The following PRR16 variants were observed in gnomAD, a reference collection of about 807,000 sequenced individuals.
The protein encoded by PRR16 is proline rich 16.
Under a neutral mutation model 18.2 loss-of-function variants are expected in PRR16, and 6 were observed. That is an observed-to-expected ratio of 0.33 (90% CI 0.18 to 0.65). PRR16 has a LOEUF of 0.65. Ranked by LOEUF, PRR16 falls within the 30% of genes least tolerant of loss-of-function variation. The pLI is 0.74. For missense variants in PRR16, 412 were observed against 376.6 expected (o/e 1.09, Z -0.78); for synonymous variants, 151 against 147.8 (o/e 1.02, Z -0.16).
At chr5:120,790,985 A>G in the PRR16 span, among the ~76,000 whole-genome samples, 1 of 152,208 alleles carries the variant, frequency 6.6e-6, no homozygotes, top group Admixed American at 6.5e-5. Flanking sequence ...AATGACCATC[A>G]TTTGATATCA....
intron 1 of PRR16, among the ~76,000 whole-genome samples, chr5:120,556,234 T>G (rs1255602006): frequency 3.2e-5 from 1 of 31,330 alleles, no homozygotes; most frequent in Non-Finnish European, 7.6e-5. Context: ...AATTTCATTG[T>G]TTTTTTTTTT....
intron 1 of PRR16, among the ~76,000 whole-genome samples, chr5:120,559,492 T>A (rs1752512557): frequency 6.6e-6 from 1 of 151,940 alleles, no homozygotes; most frequent in Non-Finnish European, 1.5e-5. Context: ...TTCTGGGGTC[T>A]CTATTCTGTT....
At chr5:120,585,653 C>T (rs987692588) in intron 1 of PRR16, among the ~76,000 whole-genome samples, 4 of 150,528 alleles carry the variant, frequency 2.7e-5, no homozygotes, top group Non-Finnish European at 5.9e-5. Flanking sequence ...CACTACCCCA[C>T]TCCTTTGCCA....
At chr5:120,674,811 T>A (rs1756739629) in intron 1 of PRR16, among the ~76,000 whole-genome samples, 1 of 151,894 alleles carries the variant, frequency 6.6e-6, no homozygotes, top group African/African-American at 2.4e-5. Flanking sequence ...ACTTTTTTCT[T>A]GTATTTTTAA....
intron 1 of PRR16, among the ~76,000 whole-genome samples, chr5:120,505,716 C>A (rs1482028766): frequency 6.8e-6 from 1 of 146,858 alleles, no homozygotes; most frequent in Non-Finnish European, 1.5e-5. Flanking sequence ...TCTGTTGTCC[C>A]TTTGTCTTTG....
At chr5:120,605,893 G>A (rs1211333718) in intron 1 of PRR16, among the ~76,000 whole-genome samples, 1 of 152,094 alleles carries the variant, frequency 6.6e-6, no homozygotes, top group Non-Finnish European at 1.5e-5. Flanking sequence ...CTTAGTAGGG[G>A]GCCATGCATT....
intron 1 of PRR16, among the ~76,000 whole-genome samples, chr5:120,509,438 G>T (rs1580665630): frequency 6.6e-6 from 1 of 152,094 alleles, no homozygotes; most frequent in African/African-American, 2.4e-5. Context: ...ATAGTCACAT[G>T]CTAGAATGTC....
chr5:120,565,383 CAT>C (rs1249629331), intron 1 of PRR16, among the ~76,000 whole-genome samples: 3 of 152,182 alleles, frequency 2.0e-5, no homozygotes, highest in African/African-American at 4.8e-5. Flanking sequence ...TGTAGTTACA[CAT>C]GTCATTGAGA....
chr5:120,624,946 C>G (rs941556384), intron 1 of PRR16, among the ~76,000 whole-genome samples: 2 of 152,136 alleles, frequency 1.3e-5, no homozygotes, highest in African/African-American at 4.8e-5. Context: ...GCTCTCTTCC[C>G]TTGTCTGCCA....
intron 1 of PRR16, among the ~76,000 whole-genome samples, chr5:120,526,898 A>G (rs998139847): frequency 8.5e-5 from 13 of 152,134 alleles, no homozygotes; most frequent in African/African-American, 3.1e-4. Context: ...CCCTCCATAA[A>G]TGGTTTAAGT....
intron 1 of PRR16, among the ~76,000 whole-genome samples, chr5:120,619,386 A>G (rs565473367): frequency 5.9e-5 from 9 of 152,270 alleles, no homozygotes; most frequent in East Asian, 5.8e-4. Context: ...GGAATGTGCA[A>G]TGTCTTTCCA....
intron 1 of PRR16, among the ~76,000 whole-genome samples, chr5:120,574,458 G>A (rs1479084315): frequency 6.6e-6 from 1 of 151,848 alleles, no homozygotes; most frequent in South Asian, 2.1e-4. Context: ...ACAAAAATTA[G>A]CCAGGCATGG....
chr5:120,677,335 G>T lies in PRR16; in HGVS notation c.160-8619G>T, dbSNP rs141388183. Among the ~76,000 whole-genome samples, 38 of 152,214 alleles carry T rather than the reference G, an allele frequency of 2.5e-4. No individual in the cohort carries two copies. The East Asian group carries it at 7.0e-3, about 28-fold the overall frequency. ...CTCGCCTCTGTTAGGCTTATATGAG[G>T]GCTCTTCCAGAGGAGGGTATGTCAC... is the stretch of plus-strand genomic sequence containing the variant. On this transcript the variant is annotated intron_variant, in intron 1 of 1. Transcript: ENST00000407149.
the PRR16 span, among the ~76,000 whole-genome samples, chr5:120,766,011 G>A: frequency 6.2e-4 from 95 of 152,050 alleles, no homozygotes; most frequent in Non-Finnish European, 1.2e-3. Flanking sequence ...AGTGTTTATA[G>A]GTATAGTTAA....
At chr5:120,744,172 T>C in the PRR16 span, among the ~76,000 whole-genome samples, 15,764 of 151,918 alleles carry the variant, frequency 0.1, 1,018 homozygotes, top group African/African-American at 0.18. Flanking sequence ...ATTTGTCTCT[T>C]CAATCTGGGG....
intron 1 of PRR16, among the ~76,000 whole-genome samples, chr5:120,666,178 C>A (rs1341238691): frequency 6.6e-6 from 1 of 152,136 alleles, no homozygotes; most frequent in African/African-American, 2.4e-5. Flanking sequence ...CTTCACATCC[C>A]TTGTAAGTTG....
At chr5:120,499,178 C>T (rs965691622) in intron 1 of PRR16, among the ~76,000 whole-genome samples, 2 of 150,884 alleles carry the variant, frequency 1.3e-5, no homozygotes, top group East Asian at 1.9e-4. Context: ...GGCGTGATCT[C>T]GGCTCACCAC....
intron 1 of PRR16, among the ~76,000 whole-genome samples, chr5:120,620,829 A>G (rs1398937827): frequency 6.6e-6 from 1 of 152,118 alleles, no homozygotes; most frequent in Non-Finnish European, 1.5e-5. Context: ...ATAGCTTTAC[A>G]TACCAACTAT....
At chr5:120,641,614 G>C (rs1451308328) in intron 1 of PRR16, among the ~76,000 whole-genome samples, 1 of 152,044 alleles carries the variant, frequency 6.6e-6, no homozygotes, top group African/African-American at 2.4e-5. Context: ...TATGCCTACA[G>C]GGAGACACCC....
Sources: allele counts gnomAD v4.1 joint callset (sites outside exome capture counted in the v4.1 genomes callset), GRCh38; gene constraint gnomAD v4.1.1; transcripts MANE v1.5; gene names NCBI Gene and HGNC (gene_info 2026-07-23, HGNC 2026-07-21).